The following TRAPPC9 variants were observed in gnomAD, a reference collection of about 807,000 sequenced individuals.
TRAPPC9 encodes IKK2 binding protein.
TRAPPC9 carries 83 observed loss-of-function variants against 124.0 expected under a neutral mutation model. That is an observed-to-expected ratio of 0.67 (90% CI 0.56 to 0.80). The LOEUF is 0.80. Ranked by LOEUF, TRAPPC9 falls within the 30% of genes least tolerant of loss-of-function variation. The pLI, the probability that TRAPPC9 is intolerant of heterozygous loss-of-function variation, is 0.00. For synonymous variants in TRAPPC9, 638 were observed against 617.5 expected (o/e 1.03, Z -0.49); for missense variants, 1,302 against 1,508.3 (o/e 0.86, Z 2.27).
Position 140,252,104 on chromosome 8 carries a change from A to C in TRAPPC9, c.2431+673T>G, listed in dbSNP as rs1388662277. Reference sequence around the variant, plus strand: ...CAGTGGCGTGATCTCGACTCACTGCAACCTCCGCCTCCCAGGTTCAAGCGA... The same window carrying C: ...CAGTGGCGTGATCTCGACTCACTGCCACCTCCGCCTCCCAGGTTCAAGCGA... On this transcript the variant is annotated intron_variant, in intron 16 of 22. Transcript: ENST00000438773. This position sits in a 1 kb window ranked among gnomAD's most constrained non-coding sequence, Gnocchi z 4.2. Among the ~76,000 whole-genome samples the C allele has an allele frequency of 6.6e-6, 1 of 151,416 alleles. No individual in the cohort carries two copies. Among genetic ancestry groups the C allele is most frequent in the African/African-American group, 2.4e-5 (1 of 41,092 alleles).
intron 17 of TRAPPC9, among the ~76,000 whole-genome samples, chr8:140,088,973 G>A (rs111293831): frequency 0.031 from 4,737 of 152,240 alleles, 94 homozygotes; most frequent in African/African-American, 0.044. Flanking sequence ...TAATAACGTC[G>A]ATTTCTGGGT....
At chr8:140,283,755 A>G in intron 14 of TRAPPC9, 134 bp downstream of exon 14, 1 of 930,778 alleles carries the variant, frequency 1.1e-6, no homozygotes, top group Non-Finnish European at 1.7e-6. Flanking sequence ...GATGTTGCTT[A>G]TCTTACAGAA....
intron 21 of TRAPPC9, among the ~76,000 whole-genome samples, chr8:139,820,111 ATTTT>A (rs1319780497): frequency 6.6e-6 from 1 of 151,924 alleles, no homozygotes; most frequent in African/African-American, 2.4e-5. Flanking sequence ...GCCAAAAGAC[ATTTT>A]TTTAATTTCA....
intron 21 of TRAPPC9, among the ~76,000 whole-genome samples, chr8:139,870,169 T>C (rs903703898): frequency 2.0e-5 from 3 of 152,190 alleles, no homozygotes; most frequent in Non-Finnish European, 2.9e-5. Context: ...TGGGAAAAGA[T>C]AGATTATTGA....
At chr8:140,147,656 T>C (rs1249320839) in intron 17 of TRAPPC9, among the ~76,000 whole-genome samples, 2 of 152,248 alleles carry the variant, frequency 1.3e-5, no homozygotes, top group Non-Finnish European at 2.9e-5. Context: ...TCAATGAGCA[T>C]AATGACAGTG....
chr8:139,916,274 T>C (rs908163586), intron 19 of TRAPPC9: 1 of 152,332 alleles, frequency 6.6e-6, no homozygotes. Context: ...CACCCCACTT[T>C]GTAAGATTTT....
At chr8:140,213,273 G>A (rs1247920194) in intron 17 of TRAPPC9, among the ~76,000 whole-genome samples, 2 of 151,914 alleles carry the variant, frequency 1.3e-5, no homozygotes, top group Non-Finnish European at 2.9e-5. Context: ...GTAAGCATTG[G>A]TATTTTGTGT....
At chr8:140,158,038 C>T (rs1402223405) in intron 17 of TRAPPC9, among the ~76,000 whole-genome samples, 1 of 152,088 alleles carries the variant, frequency 6.6e-6, no homozygotes, top group Non-Finnish European at 1.5e-5. Flanking sequence ...ATTTATGTTG[C>T]TTCTGATAAC....
At chr8:139,852,493 G>A (rs974860095) in intron 21 of TRAPPC9, among the ~76,000 whole-genome samples, 2 of 152,106 alleles carry the variant, frequency 1.3e-5, no homozygotes, top group African/African-American at 4.8e-5. Flanking sequence ...CTCCTCCCTG[G>A]TCCTGGTTCT....
At chr8:139,900,997 T>TA (rs1563907090) in intron 20 of TRAPPC9, among the ~76,000 whole-genome samples, 1 of 115,308 alleles carries the variant, frequency 8.7e-6, no homozygotes, top group African/African-American at 4.3e-5. Flanking sequence ...AATAAATAAA[T>TA]AAATAAAATA....
chr8:140,254,658 T>C (rs572042801), intron 15 of TRAPPC9, among the ~76,000 whole-genome samples: 1 of 152,260 alleles, frequency 6.6e-6, no homozygotes, highest in Non-Finnish European at 1.5e-5. Context: ...CTGGTGCCCC[T>C]CCAGCCTAGG....
At position 140,197,416 on chromosome 8, in the gene TRAPPC9, C is replaced by T. The variant is rs767498201; in HGVS notation, c.2556+24043G>A. ...TCCTCCTCACTTTGCAGATGAGAGC[C>T]GTGAGGCCCAGAGCAGCACGGTGAC... On this transcript the variant is annotated intron_variant, in intron 17 of 22. Transcript: ENST00000438773. 9.7e-4 allele frequency among the ~76,000 whole-genome samples: 147 copies of T among 152,102 alleles called. 4 individuals carry two copies. Among genetic ancestry groups the T allele is most frequent in the Non-Finnish European group, 1.6e-4 (11 of 68,020 alleles).
At chr8:139,922,298 T>C (rs561933237) in intron 19 of TRAPPC9, among the ~76,000 whole-genome samples, 1 of 152,242 alleles carries the variant, frequency 6.6e-6, no homozygotes, top group South Asian at 2.1e-4. Flanking sequence ...GTTCTCCTGT[T>C]TCAGCCTCCT....
chr8:140,192,138 T>A (rs2062506851), intron 17 of TRAPPC9, among the ~76,000 whole-genome samples: 1 of 152,240 alleles, frequency 6.6e-6, no homozygotes, highest in South Asian at 2.1e-4. Context: ...TCATTTCTAA[T>A]CAACCCCAGG....
intron 18 of TRAPPC9, among the ~76,000 whole-genome samples, chr8:140,010,804 C>T (rs778830882): frequency 9.9e-5 from 15 of 152,118 alleles, no homozygotes; most frequent in African/African-American, 3.1e-4. Context: ...AAACCACCCA[C>T]GTATGCACAA....
chr8:139,792,004 C>G (rs1210696607), intron 21 of TRAPPC9, among the ~76,000 whole-genome samples: 1 of 152,210 alleles, frequency 6.6e-6, no homozygotes, highest in Non-Finnish European at 1.5e-5. Context: ...GCACACGTCA[C>G]CTCCCACAGG....
At chr8:139,899,243 T>C (rs1362453012) in intron 20 of TRAPPC9, among the ~76,000 whole-genome samples, 2 of 151,740 alleles carry the variant, frequency 1.3e-5, no homozygotes, top group Non-Finnish European at 2.9e-5. Context: ...AAAATCCACA[T>C]GTAATTTTTG....
At chr8:140,222,388 T>C (rs1178074753) in intron 16 of TRAPPC9, among the ~76,000 whole-genome samples, 1 of 152,178 alleles carries the variant, frequency 6.6e-6, no homozygotes, top group African/African-American at 2.4e-5. Flanking sequence ...ACGTCGCATG[T>C]CCAACCCAAA....
chr8:139,743,108 G>A (rs1402718243), intron 21 of TRAPPC9, among the ~76,000 whole-genome samples: 1 of 152,132 alleles, frequency 6.6e-6, no homozygotes, highest in Non-Finnish European at 1.5e-5. Context: ...GAAGGAAACA[G>A]GTAAAATGTC....
Sources: allele counts gnomAD v4.1 joint callset (sites outside exome capture counted in the v4.1 genomes callset), GRCh38; gene constraint gnomAD v4.1.1; non-coding constraint Gnocchi (gnomAD v3.1); transcripts MANE v1.5; gene names NCBI Gene and HGNC (gene_info 2026-07-23, HGNC 2026-07-21).